Variants in CACTIN observed in about 807,000 individuals in gnomAD.
CACTIN encodes the protein cactin, spliceosome C complex subunit, also known as splicing factor Cactin.
In CACTIN, 20 loss-of-function variants were observed where a neutral mutation model predicts 84.9. The ratio of observed to expected loss-of-function variants is 0.24; its 90% CI spans 0.17 to 0.34. The LOEUF is 0.34. CACTIN is among the 10% of genes least tolerant of loss of function. The pLI, the probability that CACTIN is intolerant of heterozygous loss-of-function variation, is 1.00. For missense variants in CACTIN, 897 were observed against 1,117.2 expected, an observed-to-expected ratio of 0.80 and a Z score of 2.81; for synonymous variants, 549 against 467.9, an observed-to-expected ratio of 1.17 and a Z score of -2.24.
chr19:3,610,824 G>A lies in CACTIN; in HGVS notation c.*1099C>T, dbSNP rs1950186204. 2 of 456,870 alleles carry A rather than the reference G, an allele frequency of 4.4e-6. No individual in the cohort carries two copies. Among genetic ancestry groups the A allele is most frequent in the Admixed American group, 2.3e-5 (1 of 42,586 alleles). 28.3% of individuals were successfully genotyped at this position (456,870 alleles called of 1,614,324 possible). On this transcript the variant is annotated 3_prime_UTR_variant, in exon 10 of 10. Coordinates refer to ENST00000429344, the MANE Select transcript of CACTIN (RefSeq NM_001080543.2). ...GGGTGGTCTGGGGCTGGTGACTGGT[G>A]AGGTTGGGTGGCCCTCTGGGGGTCC...
intron 2 of CACTIN, 51 bp from the exon 3 acceptor site, chr19:3,620,853 C>A (rs756306661): frequency 7.0e-7 from 1 of 1,427,072 alleles, no homozygotes; most frequent in Non-Finnish European, 9.8e-7. Flanking sequence ...CCCCTCGCCC[C>A]CCTCCTCAGC....
At position 3,611,308 on chromosome 19, in the gene CACTIN, AG is replaced by A. The variant is rs2032943848; in HGVS notation, c.*614del. 2.2e-6 allele frequency: 1 copy of A among 455,172 alleles called. No individual in the cohort carries two copies. The highest frequency in any genetic ancestry group is 2.4e-5 in the Admixed American group (1 of 42,168). 28.2% of individuals were successfully genotyped at this position (455,172 alleles called of 1,614,324 possible). On this transcript the variant is annotated 3_prime_UTR_variant, in exon 10 of 10. Transcript: ENST00000429344. ...CCCTGCAGAGTGTGGGTGTCCACAGAGGGTCTCTTCTGCAGTGGCGGATCGG... is the reference window on the plus strand; with the variant it reads ...CCCTGCAGAGTGTGGGTGTCCACAGAGGTCTCTTCTGCAGTGGCGGATCGG...
At chr19:3,616,596 A>C (rs1202654232) in intron 6 of CACTIN, 1 of 152,122 alleles carries the variant, frequency 6.6e-6, no homozygotes, top group Non-Finnish European at 1.5e-5. Context: ...CAAGAGAGCA[A>C]GACACCGTCT....
At position 3,618,906 on chromosome 19, in the gene CACTIN, G is replaced by C; in HGVS notation, c.1131C>G (p.Leu377=). Residue 377 remains leucine, a synonymous_variant, in exon 6 of 10, where the codon CTC becomes CTG. Coordinates refer to ENST00000429344, the MANE Select transcript of CACTIN (RefSeq NM_001080543.2). ...CCTTGCCCGAGGCCTCCAGCTTGCG[G>C]AGCTTGGAGATCTCGTCCTCGGTGA... ...TTITEDEISK[L]RKLEASGKGP... is the part of the protein sequence containing the mutation. 6.4e-7 allele frequency: 1 copy of C among 1,555,956 alleles called. No individual in the cohort carries two copies. The highest frequency in any genetic ancestry group is 8.7e-7 in the Non-Finnish European group (1 of 1,149,586).
At chr19:3,623,234 C>CA (rs1413645093) in intron 2 of CACTIN, among the ~76,000 whole-genome samples, 2 of 151,268 alleles carry the variant, frequency 1.3e-5, no homozygotes, top group Non-Finnish European at 2.9e-5. Context: ...GACCCTGAGT[C>CA]AAAAAAGAAA....
chr19:3,612,527 T>A, intron 9 of CACTIN, 114 bp from the exon 10 acceptor site: 1 of 1,413,514 alleles, frequency 7.1e-7, no homozygotes, highest in Non-Finnish European at 9.3e-7. Context: ...GAAAACAGGC[T>A]GGGGCGAGCT....
intron 3 of CACTIN, 51 bp downstream of exon 3, chr19:3,620,656 C>T: frequency 1.4e-6 from 2 of 1,480,780 alleles, no homozygotes; most frequent in Non-Finnish European, 1.8e-6. Flanking sequence ...GGGCGGGCCT[C>T]CAGGCCCTGG....
At chr19:3,624,638 C>T (rs949793186) in intron 1 of CACTIN, among the ~76,000 whole-genome samples, 6 of 151,504 alleles carry the variant, frequency 4.0e-5, no homozygotes, top group South Asian at 2.1e-4. Context: ...AGGGAGGAGG[C>T]GCGGGCAGGG....
chr19:3,618,400 G>A (rs959986979), intron 6 of CACTIN, among the ~76,000 whole-genome samples: 1 of 152,084 alleles, frequency 6.6e-6, no homozygotes, highest in African/African-American at 2.4e-5. Context: ...CATCCCCGGT[G>A]ACCATGTGTG....
In CACTIN at chr19:3,610,720, T is replaced by G. The variant is rs999757339; in HGVS notation, c.*1203A>C. ...GCCAATTCCATGAGAACAAAAGATT[T>G]TTTTTCCCACCTACAAGTCTTTTTA... On this transcript the variant is annotated 3_prime_UTR_variant, in exon 10 of 10. Coordinates refer to ENST00000429344, the MANE Select transcript of CACTIN (RefSeq NM_001080543.2). 1 of 456,790 alleles carries G rather than the reference T, an allele frequency of 2.2e-6. No individual in the cohort carries two copies. The highest frequency in any genetic ancestry group is 2.0e-5 in the African/African-American group (1 of 50,078). 28.3% of individuals were successfully genotyped at this position (456,790 alleles called of 1,614,324 possible). A position where few individuals can be genotyped will look rare whatever the true frequency, so the allele number is the denominator to read the frequency against.
chr19:3,613,299 G>C lies in CACTIN; in HGVS notation c.1545C>G (p.Ala515=). 6.3e-7 allele frequency: 1 copy of C among 1,595,092 alleles called. No homozygotes were observed. Among genetic ancestry groups the C allele is most frequent in the Non-Finnish European group, 8.5e-7 (1 of 1,174,696 alleles). The change falls in exon 9 of 10, where the codon GCC becomes GCG. Residue 515 remains alanine (A), a synonymous_variant. Transcript: ENST00000429344. ...GPSSEGGPAE[A]EVDGATPTEG... is the part of the protein sequence containing the mutation. ...CTGTCGGGGTCGCGCCGTCCACCTC[G>C]GCCTCCGCGGGGCCGCCCTCCGAGG... is the stretch of plus-strand genomic sequence containing the variant.
Position 3,612,912 on chromosome 19 carries a change from G to A in CACTIN, c.1786+146C>T, listed in dbSNP as rs778540441. 16 of 994,188 alleles carry A rather than the reference G, an allele frequency of 1.6e-5. No individual in the cohort carries two copies. In the South Asian group the frequency reaches 1.7e-4, roughly 10 times the overall value. The allele number at this position is 994,188 out of a possible 1,614,324, so 61.6% of individuals were successfully genotyped here. On this transcript the variant is annotated intron_variant, in intron 9 of 9. Transcript: ENST00000429344. ...ACGCCCCAGTGCGCGTGCAGGTGACGGAATGCACGCTCAGAGACCCGGGGG... is the reference window on the plus strand; with the variant it reads ...ACGCCCCAGTGCGCGTGCAGGTGACAGAATGCACGCTCAGAGACCCGGGGG...
At chr19:3,613,659 C>A (rs565133414) in intron 7 of CACTIN, 73 bp from the exon 8 acceptor site, 4 of 1,531,164 alleles carry the variant, frequency 2.6e-6, no homozygotes, top group Admixed American at 1.9e-5. Context: ...GAGATTCTCA[C>A]GCCCCTTATT....
chr19:3,612,461 C>T (rs1447900948), intron 9 of CACTIN, 48 bp from the exon 10 acceptor site: 9 of 1,529,860 alleles, frequency 5.9e-6, no homozygotes, highest in Non-Finnish European at 7.9e-6. Context: ...CCCCTGGGTC[C>T]TGGCCTCCCT....
chr19:3,611,749 AC>A lies in CACTIN; in HGVS notation c.*173del. On this transcript the variant is annotated 3_prime_UTR_variant, in exon 10 of 10. Coordinates refer to ENST00000429344, the MANE Select transcript of CACTIN (RefSeq NM_001080543.2). ...GCTCACCATGGCAGGCTCAATGGTG[AC>A]CCCCCTTTTATATAGGAGGAAACTG... 1.2e-6 allele frequency: 1 copy of A among 836,324 alleles called. No homozygotes were observed. Among genetic ancestry groups the A allele is most frequent in the Non-Finnish European group, 1.9e-6 (1 of 514,244 alleles). The allele number at this position is 836,324 out of a possible 1,614,324, so 51.8% of individuals were successfully genotyped here.
chr19:3,613,763 A>G, intron 7 of CACTIN, 177 bp from the exon 8 acceptor site: 1 of 772,124 alleles, frequency 1.3e-6, no homozygotes, highest in Non-Finnish European at 2.0e-6. Context: ...CTTATGGGAG[A>G]GAGGACGAGA....
chr19:3,613,586 C>T lies in CACTIN; in HGVS notation c.1356G>A (p.Arg452=). ...QQLRAHMARA[R]LRERHQDVLR... is the part of the protein sequence containing the mutation. ...GCACGTCCTGGTGGCGCTCACGCAG[C>T]CTGGGACGCAGAGCCGGGGTCACCC... Residue 452 remains arginine (R), a splice_region_variant and synonymous_variant, in exon 8 of 10, where the codon CGG becomes CGA. Coordinates refer to ENST00000429344, the MANE Select transcript of CACTIN (RefSeq NM_001080543.2). 6.2e-7 allele frequency: 1 copy of T among 1,600,174 alleles called. No homozygotes were observed. Among genetic ancestry groups the T allele is most frequent in the Non-Finnish European group, 8.5e-7 (1 of 1,178,528 alleles).
chr19:3,619,377 C>G, intron 4 of CACTIN, 135 bp from the exon 5 acceptor site: 1 of 1,035,112 alleles, frequency 9.7e-7, no homozygotes, highest in East Asian at 2.6e-5. Context: ...GGAAGGCTTC[C>G]TGGAGGAGGA....
chr19:3,614,537 C>G lies in CACTIN; in HGVS notation c.1215G>C (p.Val405=). ...NASVSSDVQS[V]FKGKTYNQLQ... The stretch of plus-strand genomic sequence containing the variant: ...GCTGGTTGTATGTCTTCCCCTTGAA[C>G]ACCGACTGCACATCAGAGCTGACGG... Residue 405 remains valine, a synonymous_variant, in exon 7 of 10, where the codon GTG becomes GTC. Coordinates refer to ENST00000429344, the MANE Select transcript of CACTIN (RefSeq NM_001080543.2). 6.2e-7 allele frequency: 1 copy of G among 1,609,322 alleles called. No individual in the cohort carries two copies. Among genetic ancestry groups the G allele is most frequent in the Non-Finnish European group, 8.5e-7 (1 of 1,177,996 alleles).
Sources: allele counts gnomAD v4.1 joint callset (sites outside exome capture counted in the v4.1 genomes callset), GRCh38; gene constraint gnomAD v4.1.1; transcripts MANE v1.5; gene names NCBI Gene and HGNC (gene_info 2026-07-23, HGNC 2026-07-21).